Variants in TDP1 observed in about 807,000 individuals in gnomAD.
TDP1 encodes tyrosyl-DNA phosphodiesterase 1.
TDP1 carries 64 observed loss-of-function variants against 81.5 expected under a neutral mutation model. The observed-to-expected ratio is 0.79, with a 90% confidence interval of 0.64 to 0.97. The LOEUF (loss-of-function observed/expected upper bound fraction) is 0.97, where lower values mean the gene tolerates loss of function less well. Ranked by LOEUF, TDP1 falls within the 50% of genes least tolerant of loss-of-function variation. TDP1 has a pLI of 0.00. For synonymous variants in TDP1, 256 were observed against 264.3 expected (o/e 0.97, Z 0.30); for missense variants, 723 against 743.8 (o/e 0.97, Z 0.33).
At chr14:90,029,465 C>T (rs1310429925) in intron 15 of TDP1, among the ~76,000 whole-genome samples, 1 of 149,458 alleles carries the variant, frequency 6.7e-6, no homozygotes, top group Admixed American at 6.7e-5. Context: ...TCACAAAGTG[C>T]TGGCATTACA....
intron 14 of TDP1, among the ~76,000 whole-genome samples, chr14:90,016,272 G>A (rs917890394): frequency 7.2e-5 from 11 of 151,924 alleles, no homozygotes; most frequent in African/African-American, 1.2e-4. Context: ...TCGAACTCTC[G>A]ACCTCAGATG....
At chr14:89,993,215 G>A (rs34008171) in intron 13 of TDP1, 161 bp from the exon 14 acceptor site, 73 of 915,034 alleles carry the variant, frequency 8.0e-5, no homozygotes, top group Non-Finnish European at 9.4e-5. Context: ...ATGGGCATGC[G>A]TTACTTGAAT....
chr14:89,991,813 T>A, intron 12 of TDP1, 104 bp from the exon 13 acceptor site: 1 of 1,293,638 alleles, frequency 7.7e-7, no homozygotes. Flanking sequence ...TAGAAGTAGT[T>A]TTTTTCCTGT....
At chr14:89,969,685 C>T (rs1047647818) in intron 5 of TDP1, among the ~76,000 whole-genome samples, 3 of 152,060 alleles carry the variant, frequency 2.0e-5, no homozygotes, top group African/African-American at 7.2e-5. Flanking sequence ...AGCTATTGGG[C>T]AAGAGGTAGT....
chr14:89,991,096 G>A (rs1896126109), intron 12 of TDP1, among the ~76,000 whole-genome samples: 1 of 152,158 alleles, frequency 6.6e-6, no homozygotes, highest in East Asian at 1.9e-4. Context: ...TAAAGGTGAA[G>A]TAGAAGGGGC....
At chr14:89,996,358 T>C (rs952319145) in intron 14 of TDP1, among the ~76,000 whole-genome samples, 1 of 152,186 alleles carries the variant, frequency 6.6e-6, no homozygotes, top group African/African-American at 2.4e-5. Context: ...CAGGCTAGCC[T>C]CCTTTGCCCC....
chr14:90,022,176 G>A (rs1240065297), intron 15 of TDP1, among the ~76,000 whole-genome samples: 2 of 152,308 alleles, frequency 1.3e-5, no homozygotes, highest in African/African-American at 4.8e-5. Context: ...CATCCTTCCT[G>A]GGTGAGAGCT....
intron 16 of TDP1, among the ~76,000 whole-genome samples, chr14:90,040,250 CCT>C (rs1231372014): frequency 6.6e-6 from 1 of 152,184 alleles, no homozygotes; most frequent in African/African-American, 2.4e-5. Flanking sequence ...ATGACCCTCC[CCT>C]CTTTTAAATT....
At position 89,963,405 on chromosome 14, in the gene TDP1, A is replaced by G. The variant is rs3825663; in HGVS notation, c.291A>G (p.Gln97=). The G allele has an allele frequency of 0.081, 131,439 of 1,614,036 alleles. 22,814 individuals are homozygous for G. The highest frequency in any genetic ancestry group is 0.73 in the African/African-American group (54,348 of 74,932). The change falls in exon 3 of 17, where the codon CAA becomes CAG. Residue 97 remains glutamine (Q), a synonymous_variant. Coordinates refer to ENST00000335725, the MANE Select transcript of TDP1 (RefSeq NM_018319.4). ...TGTCCAGCAGTGATGATGAGCTGCA[A>G]CCAGAAATGCCGCAGAAGCAGGCTG... The part of the protein sequence containing the change: ...WCLSSSDDEL[Q]PEMPQKQAEK...
intron 15 of TDP1, among the ~76,000 whole-genome samples, chr14:90,019,650 CTG>C (rs10589089): frequency 0.056 from 8,542 of 152,190 alleles, 512 homozygotes; most frequent in African/African-American, 0.15. Flanking sequence ...TAGGAATTGA[CTG>C]TGTGCTTCCA....
intron 14 of TDP1, among the ~76,000 whole-genome samples, chr14:90,005,141 G>A (rs776946392): frequency 2.0e-5 from 3 of 152,192 alleles, no homozygotes; most frequent in Non-Finnish European, 4.4e-5. Flanking sequence ...TACTGGCCAT[G>A]TGAACAGTCC....
intron 1 of TDP1, chr14:89,956,296 G>A (rs571159426): frequency 6.6e-6 from 1 of 152,464 alleles, no homozygotes; most frequent in Non-Finnish European, 1.5e-5. Context: ...GTCCCAGAAA[G>A]TGAGTAGGAA....
At chr14:90,032,337 G>A (rs1887372879) in intron 15 of TDP1, among the ~76,000 whole-genome samples, 1 of 152,076 alleles carries the variant, frequency 6.6e-6, no homozygotes, top group South Asian at 2.1e-4. Context: ...AGGATTTGAA[G>A]GGTGGATATG....
At chr14:90,025,469 A>G (rs1886545123) in intron 15 of TDP1, among the ~76,000 whole-genome samples, 1 of 152,226 alleles carries the variant, frequency 6.6e-6, no homozygotes, top group African/African-American at 2.4e-5. Flanking sequence ...TATGTTGTCA[A>G]TAGCTTCCCC....
intron 16 of TDP1, chr14:90,033,521 G>A (rs930367511): frequency 5.2e-6 from 2 of 385,440 alleles, no homozygotes; most frequent in South Asian, 4.2e-5. Context: ...AATCTACTGA[G>A]CACCATAGCT....
chr14:89,994,171 AT>A (rs1896470092), intron 14 of TDP1, among the ~76,000 whole-genome samples: 1 of 152,258 alleles, frequency 6.6e-6, no homozygotes, highest in African/African-American at 2.4e-5. Flanking sequence ...ATTAATGTCA[AT>A]AGCAACTAAT....
chr14:89,980,044 T>C, intron 7 of TDP1: 1 of 335,944 alleles, frequency 3.0e-6, no homozygotes, highest in Non-Finnish European at 4.2e-6. Context: ...ACACTTTACA[T>C]TTCAGTGTAT....
chr14:90,026,407 C>G (rs1886658782), intron 15 of TDP1, among the ~76,000 whole-genome samples: 1 of 152,264 alleles, frequency 6.6e-6, no homozygotes, highest in Admixed American at 6.5e-5. Flanking sequence ...GCATTCTACT[C>G]CTTCCTCTCA....
chr14:89,995,762 C>A (rs1896606352), intron 14 of TDP1, among the ~76,000 whole-genome samples: 1 of 152,096 alleles, frequency 6.6e-6, no homozygotes, highest in South Asian at 2.1e-4. Context: ...TCCCAGAATT[C>A]TTCTTTGCCC....
Sources: allele counts gnomAD v4.1 joint callset (sites outside exome capture counted in the v4.1 genomes callset), GRCh38; gene constraint gnomAD v4.1.1; transcripts MANE v1.5; gene names NCBI Gene and HGNC (gene_info 2026-07-23, HGNC 2026-07-21).